Variants in VPS13B observed in about 807,000 individuals in gnomAD.
The protein encoded by VPS13B is vacuolar protein sorting 13 homolog B.
VPS13B carries 285 observed loss-of-function variants against 426.4 expected under a neutral mutation model. That is an observed-to-expected ratio of 0.67 (90% CI 0.61 to 0.74). The LOEUF is 0.74. VPS13B is among the 30% of genes least tolerant of loss of function. VPS13B has a pLI of 0.00. For synonymous variants in VPS13B, 1,676 were observed against 1,676.4 expected (o/e 1.00, Z 0.01); for missense variants, 4,537 against 4,782.6 (o/e 0.95, Z 1.51).
intron 13 of VPS13B, 71 bp downstream of exon 13, chr8:99,143,236 T>G (rs1810528296): frequency 1.3e-6 from 2 of 1,597,198 alleles, no homozygotes; most frequent in East Asian, 4.5e-5. Flanking sequence ...CAATTTGTGT[T>G]GTCTTGCTAA....
chr8:99,060,931 G>A (rs984571618), intron 3 of VPS13B, among the ~76,000 whole-genome samples: 1 of 152,010 alleles, frequency 6.6e-6, no homozygotes, highest in African/African-American at 2.4e-5. Flanking sequence ...GTTTCATCAG[G>A]GACTTTCTAA....
intron 39 of VPS13B, among the ~76,000 whole-genome samples, chr8:99,744,550 G>A (rs1349384317): frequency 3.3e-5 from 5 of 152,140 alleles, no homozygotes; most frequent in East Asian, 1.9e-4. Flanking sequence ...ATTCACAATA[G>A]CAAAGACTTG....
chr8:99,558,344 C>A (rs140530196), intron 31 of VPS13B, among the ~76,000 whole-genome samples: 81 of 152,200 alleles, frequency 5.3e-4, no homozygotes, highest in African/African-American at 1.9e-3. Flanking sequence ...ACTGTCATAA[C>A]CCACCCTCTT....
intron 17 of VPS13B, among the ~76,000 whole-genome samples, chr8:99,199,837 C>G (rs919683271): frequency 6.6e-6 from 1 of 150,766 alleles, no homozygotes; most frequent in African/African-American, 2.4e-5. Flanking sequence ...ATATTTTATT[C>G]TTTCTTTTCC....
chr8:99,408,103 G>C (rs73287871), intron 21 of VPS13B, among the ~76,000 whole-genome samples: 2,558 of 152,258 alleles, frequency 0.017, 62 homozygotes, highest in African/African-American at 0.059. Flanking sequence ...GAGGAAGCCA[G>C]ATCCTGTAGG....
rs780017190 is a variant in VPS13B at position 99,642,136 on chromosome 8, C to G, written c.5546C>G (p.Ser1849Ter). ...AATAATGAAAAAACAGACAAGAGTT[C>G]ATTAAATCTCCCAGAAGTTGATTCA... ...QKNNEKTDKS[S>*]LNLPEVDSDV... Residue 1849 changes from serine to a stop codon, truncating the protein, a stop_gained, in exon 34 of 62, where the codon TCA becomes TGA. Coordinates refer to ENST00000357162, the MANE Select transcript of VPS13B (RefSeq NM_152564.5). LOFTEE classifies it high-confidence loss of function. 1.2e-6 allele frequency: 2 copies of G among 1,614,142 alleles called. No individual in the cohort carries two copies. Among genetic ancestry groups the G allele is most frequent in the Non-Finnish European group, 1.7e-6 (2 of 1,180,016 alleles).
At chr8:99,697,142 G>A (rs536531205) in intron 35 of VPS13B, 11 of 534,082 alleles carry the variant, frequency 2.1e-5, no homozygotes, top group Middle Eastern at 7.9e-4. Context: ...CCATACTGCA[G>A]ACTCTCCCAG....
intron 39 of VPS13B, among the ~76,000 whole-genome samples, chr8:99,743,949 G>A (rs1809911702): frequency 6.6e-6 from 1 of 152,058 alleles, no homozygotes; most frequent in Admixed American, 6.5e-5. Flanking sequence ...CAAAAGCAAT[G>A]GCAACAAAAG....
intron 17 of VPS13B, among the ~76,000 whole-genome samples, chr8:99,239,586 T>A (rs960228505): frequency 6.6e-6 from 1 of 152,170 alleles, no homozygotes; most frequent in Non-Finnish European, 1.5e-5. Context: ...AGCATTTAAC[T>A]TTTTTCTAGA....
At chr8:99,516,450 GC>G (rs1470001081) in intron 29 of VPS13B, among the ~76,000 whole-genome samples, 2 of 152,040 alleles carry the variant, frequency 1.3e-5, no homozygotes, top group Non-Finnish European at 2.9e-5. Context: ...ATTTTAGAAA[GC>G]CTTTACAAGA....
At chr8:99,290,880 G>A (rs554866452) in intron 19 of VPS13B, among the ~76,000 whole-genome samples, 5 of 152,136 alleles carry the variant, frequency 3.3e-5, no homozygotes, top group Admixed American at 3.3e-4. Context: ...ATTTGAATGG[G>A]ATGGGATCAA....
intron 25 of VPS13B, among the ~76,000 whole-genome samples, chr8:99,497,652 G>A (rs1050283304): frequency 4.0e-5 from 6 of 151,886 alleles, no homozygotes; most frequent in Admixed American, 2.6e-4. Flanking sequence ...AGATTGTTTG[G>A]CATCAACTTC....
intron 4 of VPS13B, among the ~76,000 whole-genome samples, chr8:99,097,488 T>C (rs1846490852): frequency 6.6e-6 from 1 of 152,126 alleles, no homozygotes; most frequent in African/African-American, 2.4e-5. Flanking sequence ...TTTTAAACTA[T>C]CAATCACAGT....
chr8:99,337,287 C>G (rs1313775097), intron 19 of VPS13B, among the ~76,000 whole-genome samples: 1 of 146,266 alleles, frequency 6.8e-6, no homozygotes, highest in African/African-American at 2.5e-5. Context: ...ACCGCATATT[C>G]TCACTCATAG....
intron 33 of VPS13B, among the ~76,000 whole-genome samples, chr8:99,593,453 C>T (rs1342437978): frequency 2.0e-5 from 3 of 152,054 alleles, no homozygotes; most frequent in African/African-American, 7.2e-5. Context: ...TGCTTTTACA[C>T]TGTTGAGTGG....
chr8:99,782,002 G>A (rs1812046298), intron 42 of VPS13B, among the ~76,000 whole-genome samples: 2 of 152,236 alleles, frequency 1.3e-5, no homozygotes, highest in South Asian at 4.2e-4. Context: ...TTGAAGGTTT[G>A]TAGATAAATA....
chr8:99,313,852 C>G (rs1040497393), intron 19 of VPS13B, among the ~76,000 whole-genome samples: 2 of 152,168 alleles, frequency 1.3e-5, no homozygotes, highest in Non-Finnish European at 2.9e-5. Flanking sequence ...TTTACCTACT[C>G]ATGCCTCAGC....
intron 21 of VPS13B, among the ~76,000 whole-genome samples, chr8:99,409,741 C>T (rs1409996489): frequency 5.3e-5 from 8 of 152,006 alleles, no homozygotes; most frequent in African/African-American, 7.2e-5. Context: ...AGTTAACATC[C>T]GGACTACATG....
intron 3 of VPS13B, among the ~76,000 whole-genome samples, chr8:99,086,510 G>A (rs937093257): frequency 7.9e-5 from 12 of 152,134 alleles, no homozygotes; most frequent in African/African-American, 2.4e-4. Context: ...GAGGAGCTGC[G>A]TTCCTTTGGA....
Sources: gnomAD v4.1 joint callset for allele counts (sites outside exome capture counted in the v4.1 genomes callset) on GRCh38, gnomAD v4.1.1 for gene constraint, MANE v1.5 for transcripts, NCBI Gene and HGNC (gene_info 2026-07-23, HGNC 2026-07-21) for gene names.